The following PTPRD variants were observed in gnomAD, a reference collection of about 807,000 sequenced individuals.
PTPRD encodes the protein protein tyrosine phosphatase receptor type D.
In PTPRD, 34 loss-of-function variants were observed where a neutral mutation model predicts 214.5. The observed-to-expected ratio is 0.16, with a 90% CI of 0.12 to 0.21. PTPRD has a LOEUF of 0.21. PTPRD is among the 10% of genes least tolerant of loss of function. The probability of loss-of-function intolerance (pLI) is 1.00; values close to 1 mark genes in which losing one functional copy is unlikely to be tolerated. For synonymous variants in PTPRD, 1,128 were observed against 845.7 expected (o/e 1.33, Z -5.79); for missense variants, 2,545 against 2,398.7 (o/e 1.06, Z -1.27).
intron 2 of PTPRD, among the ~76,000 whole-genome samples, chr9:10,488,886 A>T (rs1336232354): frequency 6.6e-6 from 1 of 152,106 alleles, no homozygotes; most frequent in Non-Finnish European, 1.5e-5. Flanking sequence ...AGAGGTCCAG[A>T]AATGCAGTCC....
At chr9:8,755,068 G>A (rs920473493) in intron 11 of PTPRD, among the ~76,000 whole-genome samples, 1 of 152,232 alleles carries the variant, frequency 6.6e-6, no homozygotes, top group South Asian at 2.1e-4. Context: ...ATGTTGGGAA[G>A]GTTGCAGTGC....
chr9:10,054,059 A>C (rs999790080), intron 3 of PTPRD, among the ~76,000 whole-genome samples: 1 of 152,036 alleles, frequency 6.6e-6, no homozygotes, highest in Non-Finnish European at 1.5e-5. Context: ...ACACCCTGCG[A>C]CTTTAAAACT....
At chr9:8,798,767 T>C (rs1550003) in intron 11 of PTPRD, among the ~76,000 whole-genome samples, 6,564 of 152,300 alleles carry the variant, frequency 0.043, 479 homozygotes, top group African/African-American at 0.15. Context: ...TGGCTCCTAC[T>C]AGTGCTTCGG....
intron 11 of PTPRD, among the ~76,000 whole-genome samples, chr9:8,875,345 A>C (rs1218793374): frequency 6.6e-6 from 1 of 150,912 alleles, no homozygotes; most frequent in East Asian, 1.9e-4. Context: ...CAACAGAATG[A>C]GACTGATCTC....
At chr9:8,622,658 T>A (rs545045988) in intron 14 of PTPRD, among the ~76,000 whole-genome samples, 7 of 152,100 alleles carry the variant, frequency 4.6e-5, no homozygotes, top group African/African-American at 1.2e-4. Context: ...TAGAGAGAGC[T>A]AGATTATCAA....
chr9:8,842,076 T>C (rs557349250), intron 11 of PTPRD, among the ~76,000 whole-genome samples: 66 of 151,414 alleles, frequency 4.4e-4, no homozygotes, highest in African/African-American at 1.5e-3. Context: ...AAATAACTTC[T>C]TGTATAACAA....
intron 11 of PTPRD, among the ~76,000 whole-genome samples, chr9:8,762,727 CTCT>C (rs990085509): frequency 1.3e-5 from 2 of 152,164 alleles, no homozygotes; most frequent in Non-Finnish European, 2.9e-5. Flanking sequence ...TCTCCACCTC[CTCT>C]GTTCCAGTTA....
chr9:10,075,547 G>C (rs1055488929), intron 3 of PTPRD, among the ~76,000 whole-genome samples: 2 of 151,552 alleles, frequency 1.3e-5, no homozygotes, highest in Non-Finnish European at 2.9e-5. Flanking sequence ...TTATGATTAT[G>C]GGGGATTTTA....
At chr9:9,672,264 C>T (rs117053629) in intron 7 of PTPRD, among the ~76,000 whole-genome samples, 3,792 of 152,012 alleles carry the variant, frequency 0.025, 72 homozygotes, top group Non-Finnish European at 0.035. Flanking sequence ...CATCTAAAGA[C>T]TATTTTTAAT....
chr9:9,351,816 G>T (rs1254094830), intron 9 of PTPRD, among the ~76,000 whole-genome samples: 1 of 151,950 alleles, frequency 6.6e-6, no homozygotes, highest in African/African-American at 2.4e-5. Context: ...TAGTCATTTT[G>T]GACTCATTGT....
intron 9 of PTPRD, among the ~76,000 whole-genome samples, chr9:9,269,752 G>C (rs1205651315): frequency 6.6e-6 from 1 of 151,156 alleles, no homozygotes. Context: ...AAATTAGCTG[G>C]ACATAGAAAG....
At chr9:9,802,849 C>A (rs73641355) in intron 5 of PTPRD, among the ~76,000 whole-genome samples, 2,630 of 151,892 alleles carry the variant, frequency 0.017, 69 homozygotes, top group African/African-American at 0.06. Flanking sequence ...ATTGTTTATT[C>A]ATTCTCTCTT....
intron 35 of PTPRD, among the ~76,000 whole-genome samples, chr9:8,432,921 C>T (rs1385587020): frequency 6.6e-6 from 1 of 152,212 alleles, no homozygotes; most frequent in African/African-American, 2.4e-5. Context: ...GCAGCATTGC[C>T]AGCATGCAGT....
rs199987535 is a variant in PTPRD at position 10,393,649 on chromosome 9, TAGAG to T, written c.-599-52636_-599-52633del. On this transcript the variant is annotated intron_variant, in intron 2 of 45. Coordinates refer to ENST00000381196, the MANE Select transcript of PTPRD (RefSeq NM_002839.4). ...TTATTCTGCAAGTATATATATATAT[TAGAG>T]AGAGAGAGAGAGAGACACTCTATTG... is the stretch of plus-strand genomic sequence containing the variant. 4.8e-5 allele frequency among the ~76,000 whole-genome samples: 7 copies of T among 144,584 alleles called. No homozygotes were observed. In the East Asian group the frequency reaches 8.1e-4, roughly 17 times the overall value. 94.9% of individuals were successfully genotyped at this position (144,584 alleles called of 152,430 possible).
At chr9:9,342,151 G>C (rs2047048553) in intron 9 of PTPRD, among the ~76,000 whole-genome samples, 1 of 152,084 alleles carries the variant, frequency 6.6e-6, no homozygotes, top group African/African-American at 2.4e-5. Context: ...AGAAATGACA[G>C]GAATATTGGA....
chr9:9,848,801 T>C (rs1323043864), intron 5 of PTPRD, among the ~76,000 whole-genome samples: 1 of 152,102 alleles, frequency 6.6e-6, no homozygotes, highest in African/African-American at 2.4e-5. Flanking sequence ...TTCCCTTTCT[T>C]GTAAGAAAAA....
At chr9:10,515,585 TG>T (rs1355590684) in intron 2 of PTPRD, among the ~76,000 whole-genome samples, 1 of 151,968 alleles carries the variant, frequency 6.6e-6, no homozygotes, top group Admixed American at 6.6e-5. Flanking sequence ...ATTTAAAATT[TG>T]TAGTAAGAAT....
chr9:9,150,227 A>T (rs924146193), intron 10 of PTPRD, among the ~76,000 whole-genome samples: 20 of 152,140 alleles, frequency 1.3e-4, no homozygotes, highest in Middle Eastern at 3.4e-3. Context: ...TTAGTGTTCC[A>T]GGGAGTATGT....
At chr9:9,016,505 T>C (rs2099535842) in intron 11 of PTPRD, among the ~76,000 whole-genome samples, 1 of 152,132 alleles carries the variant, frequency 6.6e-6, no homozygotes, top group Non-Finnish European at 1.5e-5. Context: ...CAAACCAGCC[T>C]AGTACTGGTT....
Sources: allele counts gnomAD v4.1 joint callset (sites outside exome capture counted in the v4.1 genomes callset), GRCh38; gene constraint gnomAD v4.1.1; transcripts MANE v1.5; gene names NCBI Gene and HGNC (gene_info 2026-07-23, HGNC 2026-07-21).